Variants in DIPK1A observed in about 807,000 individuals in gnomAD.
The protein encoded by DIPK1A is family with sequence similarity 69 member A.
Under a neutral mutation model 40.8 loss-of-function variants are expected in DIPK1A, and 27 were observed. The observed-to-expected ratio is 0.66, with a 90% CI of 0.49 to 0.91. The LOEUF is 0.91. Ranked by LOEUF, DIPK1A falls within the 40% of genes least tolerant of loss-of-function variation. The pLI is 0.00. For synonymous variants in DIPK1A, 166 were observed against 171.3 expected, an observed-to-expected ratio of 0.97 and a Z score of 0.24; for missense variants, 412 against 505.7, an observed-to-expected ratio of 0.81 and a Z score of 1.78.
chr1:92,907,234 G>C (rs920500128), intron 1 of DIPK1A, among the ~76,000 whole-genome samples: 3 of 152,204 alleles, frequency 2.0e-5, no homozygotes, highest in Admixed American at 2.0e-4. Flanking sequence ...TTTTAGAACA[G>C]CCCCACTTGA....
At chr1:92,931,383 A>G (rs1157275285) in intron 1 of DIPK1A, 1 of 241,834 alleles carries the variant, frequency 4.1e-6, no homozygotes. Flanking sequence ...AAGAAAAGAG[A>G]GCCTGCATGA....
At chr1:92,902,057 T>C (rs1420145749) in intron 1 of DIPK1A, among the ~76,000 whole-genome samples, 5 of 151,946 alleles carry the variant, frequency 3.3e-5, no homozygotes, top group Non-Finnish European at 7.4e-5. Flanking sequence ...GGGAGGGCAG[T>C]GTGTGAATGT....
intron 1 of DIPK1A, among the ~76,000 whole-genome samples, chr1:92,915,659 TC>T (rs1650024816): frequency 6.6e-6 from 1 of 152,196 alleles, no homozygotes; most frequent in African/African-American, 2.4e-5. Context: ...GAACTCTTCT[TC>T]ATTGCTAGTT....
At chr1:92,835,549 A>G (rs1687085940) in intron 4 of DIPK1A, among the ~76,000 whole-genome samples, 1 of 151,274 alleles carries the variant, frequency 6.6e-6, no homozygotes, top group Non-Finnish European at 1.5e-5. Flanking sequence ...AGTCCCAACT[A>G]CTTGGGAGGC....
chr1:92,882,392 AAAAT>A (rs546545045), intron 1 of DIPK1A, among the ~76,000 whole-genome samples: 11 of 152,314 alleles, frequency 7.2e-5, no homozygotes, highest in African/African-American at 2.4e-4. Context: ...CCGTCTCAAA[AAAAT>A]AAATAAATAA....
At chr1:92,834,156 A>G (rs1687024996) in intron 4 of DIPK1A, among the ~76,000 whole-genome samples, 1 of 152,202 alleles carries the variant, frequency 6.6e-6, no homozygotes, top group East Asian at 1.9e-4. Flanking sequence ...GCCCATCCCA[A>G]TTCCAGTAGA....
chr1:92,908,078 G>A (rs980662803), intron 1 of DIPK1A, among the ~76,000 whole-genome samples: 10 of 152,206 alleles, frequency 6.6e-5, no homozygotes, highest in African/African-American at 2.4e-4. Flanking sequence ...AAACACTGAA[G>A]GACAAAAACA....
Position 92,959,903 on chromosome 1 carries a change from C to CTTTTTTTTTTTTTTTTTTTTTTTTTTT in DIPK1A, c.54+1472_54+1473insAAAAAAAAAAAAAAAAAAAAAAAAAAA, listed in dbSNP as rs1157142089. Among the ~76,000 whole-genome samples, 8 of 47,876 alleles carry CTTTTTTTTTTTTTTTTTTTTTTTTTTT rather than the reference C, an allele frequency of 1.7e-4. 2 individuals carry two copies. Among genetic ancestry groups the CTTTTTTTTTTTTTTTTTTTTTTTTTTT allele is most frequent in the African/African-American group, 4.4e-4 (4 of 9,078 alleles). The allele number at this position is 47,876 out of a possible 152,430, so 31.4% of individuals were successfully genotyped here. ...GCTGGGACCACAGGCACCCAACCAA[C>CTTTTTTTTTTTTTTTTTTTTTTTTTTT]TTTTTTTTTTTTTTTTTTTTTTTTG... On this transcript the variant is annotated intron_variant, in intron 1 of 4. Transcript: ENST00000370310.
intron 1 of DIPK1A, chr1:92,876,951 T>C (rs937012780): frequency 7.2e-6 from 7 of 977,226 alleles, no homozygotes; most frequent in Non-Finnish European, 8.5e-6. Flanking sequence ...TATTTCCCTA[T>C]TGTATTCACC....
chr1:92,840,267 T>G, downstream of DIPK1A: 1 of 380,674 alleles, frequency 2.6e-6, no homozygotes, highest in Non-Finnish European at 4.9e-6. Flanking sequence ...CACTTCAGAC[T>G]CCCAAAGTGC....
chr1:92,928,741 C>T (rs997546505), intron 1 of DIPK1A, among the ~76,000 whole-genome samples: 6 of 152,138 alleles, frequency 3.9e-5, no homozygotes, highest in Non-Finnish European at 5.9e-5. Flanking sequence ...GTGGGCAGAT[C>T]GCTTGAGCTC....
intron 2 of DIPK1A, among the ~76,000 whole-genome samples, chr1:92,873,413 G>A (rs1647970856): frequency 6.6e-6 from 1 of 152,074 alleles, no homozygotes; most frequent in Non-Finnish European, 1.5e-5. Context: ...TCAGGAGTTT[G>A]AGACCAGCCT....
chr1:92,924,644 G>A (rs958315804), intron 1 of DIPK1A, among the ~76,000 whole-genome samples: 5 of 152,146 alleles, frequency 3.3e-5, no homozygotes, highest in African/African-American at 9.7e-5. Flanking sequence ...TCAGCTGCTC[G>A]GTCCGGAGTA....
chr1:92,875,964 T>C (rs1198633796), intron 2 of DIPK1A, among the ~76,000 whole-genome samples: 1 of 151,168 alleles, frequency 6.6e-6, no homozygotes, highest in African/African-American at 2.4e-5. Flanking sequence ...AATACGCTTT[T>C]ATAGTCTAAA....
intron 1 of DIPK1A, among the ~76,000 whole-genome samples, chr1:92,884,819 C>T (rs1648524607): frequency 6.6e-6 from 1 of 152,118 alleles, no homozygotes; most frequent in Admixed American, 6.5e-5. Context: ...GCAAAATTTA[C>T]TTGGAGTAGT....
Position 92,876,250 on chromosome 1 carries a change from T to C in DIPK1A, c.189+46A>G, listed in dbSNP as rs749737041. On this transcript the variant is annotated intron_variant, in intron 2 of 4. Coordinates refer to ENST00000370310, the MANE Select transcript of DIPK1A (RefSeq NM_001006605.5). ...GTAAGTATGTAAGCAGTAAATATAG[T>C]GTTATGAAGAGGCTTTTTAGTAAAC... The C allele has an allele frequency of 1.7e-5, 21 of 1,223,246 alleles. No homozygotes were observed. The Admixed American group carries it at 3.3e-4, about 19-fold the overall frequency. The allele number at this position is 1,223,246 out of a possible 1,614,324, so 75.8% of individuals were successfully genotyped here.
Position 92,846,911 on chromosome 1 carries a change from GTA to G in DIPK1A, c.474+270_474+271del, listed in dbSNP as rs36139888. Among the ~76,000 whole-genome samples the G allele has an allele frequency of 7.0e-3, 81 of 11,606 alleles. 11 individuals are homozygous for G. Among genetic ancestry groups the G allele is most frequent in the African/African-American group, 0.022 (73 of 3,260 alleles). The allele number at this position is 11,606 out of a possible 152,430, so 7.6% of individuals were successfully genotyped here. A position where few individuals can be genotyped will look rare whatever the true frequency, so the allele number is the denominator to read the frequency against. On this transcript the variant is annotated intron_variant, in intron 4 of 4. Coordinates refer to ENST00000370310, the MANE Select transcript of DIPK1A (RefSeq NM_001006605.5). ...CACACACGTATATATATATATACGT[GTA>G]TATATATATATATATAGCTGAGGTC...
intron 1 of DIPK1A, among the ~76,000 whole-genome samples, chr1:92,909,304 C>T (rs1008684504): frequency 6.6e-6 from 1 of 152,150 alleles, no homozygotes; most frequent in East Asian, 1.9e-4. Flanking sequence ...TTATATAAAA[C>T]ACAAAATGCT....
intron 1 of DIPK1A, among the ~76,000 whole-genome samples, chr1:92,893,843 G>A (rs1649027190): frequency 6.6e-6 from 1 of 151,698 alleles, no homozygotes; most frequent in Admixed American, 6.6e-5. Flanking sequence ...AAAAGGCAGG[G>A]GTTGCAATCC....
Sources: gnomAD v4.1 joint callset for allele counts (sites outside exome capture counted in the v4.1 genomes callset) on GRCh38, gnomAD v4.1.1 for gene constraint, MANE v1.5 for transcripts, NCBI Gene and HGNC (gene_info 2026-07-23, HGNC 2026-07-21) for gene names.